The following AGMO variants were observed in gnomAD, a reference collection of about 807,000 sequenced individuals.
AGMO encodes alkylglycerol monooxygenase.
AGMO carries 75 observed loss-of-function variants against 60.2 expected under a neutral mutation model. The ratio of observed to expected loss-of-function variants is 1.25; its 90% CI spans 1.03 to 1.51. AGMO has a LOEUF of 1.51. Ranked by LOEUF, AGMO falls within the 40% of genes most tolerant of loss-of-function variation. The probability of loss-of-function intolerance (pLI) is 0.00; values close to 1 mark genes in which losing one functional copy is unlikely to be tolerated. For synonymous variants in AGMO, 261 were observed against 177.1 expected (o/e 1.47, Z -3.76); for missense variants, 763 against 525.5 (o/e 1.45, Z -4.42).
the AGMO span, among the ~76,000 whole-genome samples, chr7:15,178,130 G>A: frequency 6.6e-6 from 1 of 152,006 alleles, no homozygotes; most frequent in Non-Finnish European, 1.5e-5. Context: ...CTGCCCTTTT[G>A]GGGGAGTGGA....
intron 3 of AGMO, among the ~76,000 whole-genome samples, chr7:15,468,593 T>A (rs1381841842): frequency 1.3e-5 from 2 of 152,088 alleles, no homozygotes; most frequent in East Asian, 3.9e-4. Flanking sequence ...GTAAATTTGA[T>A]AAGAACGTGC....
chr7:15,336,275 G>C (rs76185334), intron 12 of AGMO, among the ~76,000 whole-genome samples: 1 of 150,978 alleles, frequency 6.6e-6, no homozygotes, highest in African/African-American at 2.4e-5. Context: ...TACCACAAAT[G>C]TATGTCCACC....
chr7:15,341,245 T>A (rs1781837978), intron 12 of AGMO, among the ~76,000 whole-genome samples: 1 of 152,102 alleles, frequency 6.6e-6, no homozygotes, highest in Admixed American at 6.5e-5. Flanking sequence ...GGCTGCAAAT[T>A]TTCCAAATTT....
chr7:15,454,196 AAAG>A lies in AGMO; in HGVS notation c.410-23091_410-23089del, dbSNP rs1781933754. The stretch of plus-strand genomic sequence containing the variant: ...ATTTGAAAAGTTTAAAAAAAGGAAA[AAAG>A]AAACACACACTAACTTAAGTTCCAG... On this transcript the variant is annotated intron_variant, in intron 3 of 12. Transcript: ENST00000342526. Among the ~76,000 whole-genome samples the A allele has an allele frequency of 3.9e-5, 6 of 152,002 alleles. 1 individual carries two copies. Among genetic ancestry groups the A allele is most frequent in the Admixed American group, 3.3e-4 (5 of 15,234 alleles).
chr7:15,268,663 G>A (rs370972705), intron 12 of AGMO, among the ~76,000 whole-genome samples: 2 of 151,672 alleles, frequency 1.3e-5, no homozygotes, highest in Non-Finnish European at 2.9e-5. Flanking sequence ...GTAAAGAGCT[G>A]GAAAATGATA....
At chr7:15,417,280 A>T (rs1045780737) in intron 5 of AGMO, among the ~76,000 whole-genome samples, 1 of 152,180 alleles carries the variant, frequency 6.6e-6, no homozygotes, top group Admixed American at 6.5e-5. Flanking sequence ...AAACAGGAAT[A>T]AGTCTCACCA....
chr7:15,146,213 A>T, the AGMO span, among the ~76,000 whole-genome samples: 1 of 152,144 alleles, frequency 6.6e-6, no homozygotes, highest in African/African-American at 2.4e-5. Flanking sequence ...GTTATAAAAT[A>T]TGTATTTTCA....
the AGMO span, among the ~76,000 whole-genome samples, chr7:15,139,566 C>T: frequency 6.9e-4 from 105 of 152,146 alleles, no homozygotes; most frequent in African/African-American, 2.4e-3. Context: ...TTTTTGTGTT[C>T]ATGAGTTCTC....
chr7:15,279,592 G>A (rs139387912), intron 12 of AGMO, among the ~76,000 whole-genome samples: 1 of 152,186 alleles, frequency 6.6e-6, no homozygotes, highest in Non-Finnish European at 1.5e-5. Flanking sequence ...AGACAAACTG[G>A]TGTGTAGAGA....
chr7:15,185,460 T>C, the AGMO span, among the ~76,000 whole-genome samples: 1 of 152,296 alleles, frequency 6.6e-6, no homozygotes, highest in Non-Finnish European at 1.5e-5. Flanking sequence ...GAATGAGGTC[T>C]AAAATCCCTG....
intron 2 of AGMO, among the ~76,000 whole-genome samples, chr7:15,556,594 T>A (rs1352060802): frequency 6.6e-6 from 1 of 151,982 alleles, no homozygotes; most frequent in Non-Finnish European, 1.5e-5. Flanking sequence ...GAAGTCCCAG[T>A]TTTCTAATGA....
At chr7:15,262,819 CAT>C (rs527879936) in intron 12 of AGMO, among the ~76,000 whole-genome samples, 161 of 152,024 alleles carry the variant, frequency 1.1e-3, no homozygotes, top group African/African-American at 3.7e-3. Flanking sequence ...CATACAAAAA[CAT>C]AAAGTGGAAA....
chr7:15,306,840 A>T (rs1780629902), intron 12 of AGMO, among the ~76,000 whole-genome samples: 1 of 152,030 alleles, frequency 6.6e-6, no homozygotes, highest in Non-Finnish European at 1.5e-5. Flanking sequence ...TTATTCAGTT[A>T]GTGTATAAAA....
intron 12 of AGMO, among the ~76,000 whole-genome samples, chr7:15,341,664 C>A (rs1583428830): frequency 6.6e-6 from 1 of 152,106 alleles, no homozygotes. Flanking sequence ...TACCAATTTA[C>A]TATATTAGTC....
chr7:15,496,034 C>A (rs1381405630), intron 3 of AGMO, among the ~76,000 whole-genome samples: 2 of 152,076 alleles, frequency 1.3e-5, no homozygotes, highest in African/African-American at 2.4e-5. Flanking sequence ...TTGGGAGACA[C>A]AAATACTCAG....
chr7:15,162,464 A>G, the AGMO span, among the ~76,000 whole-genome samples: 2 of 152,070 alleles, frequency 1.3e-5, no homozygotes, highest in African/African-American at 4.8e-5. Flanking sequence ...AGGCTGGGAC[A>G]GGTGGTTTGC....
chr7:15,343,368 T>C (rs1781926879), intron 12 of AGMO, among the ~76,000 whole-genome samples: 1 of 152,138 alleles, frequency 6.6e-6, no homozygotes, highest in Admixed American at 6.5e-5. Context: ...AATATTTAAC[T>C]CATTTTTTAT....
At chr7:15,316,253 T>C (rs1212998645) in intron 12 of AGMO, among the ~76,000 whole-genome samples, 1 of 152,164 alleles carries the variant, frequency 6.6e-6, no homozygotes, top group Non-Finnish European at 1.5e-5. Flanking sequence ...TCCAAGAGTA[T>C]GCATCAGTCC....
chr7:15,537,174 G>A lies in AGMO; in HGVS notation c.409+7598C>T, dbSNP rs1269449370. Among the ~76,000 whole-genome samples, 2 of 151,762 alleles carry A rather than the reference G, an allele frequency of 1.3e-5. 1 individual carries two copies. The highest frequency in any genetic ancestry group is 4.8e-5 in the African/African-American group (2 of 41,290). ...CCTTCCATCTTACTTTATTTGAATT[G>A]GCTTATTTATTCATTCACTCATCTA... On this transcript the variant is annotated intron_variant, in intron 3 of 12. Transcript: ENST00000342526.
Sources: allele counts gnomAD v4.1 joint callset (sites outside exome capture counted in the v4.1 genomes callset), GRCh38; gene constraint gnomAD v4.1.1; transcripts MANE v1.5; gene names NCBI Gene and HGNC (gene_info 2026-07-23, HGNC 2026-07-21).